RFTN2: variants seen among roughly 807,000 people sequenced by gnomAD.
RFTN2 encodes the protein raftlin family member 2.
RFTN2 carries 34 observed loss-of-function variants against 52.7 expected under a neutral mutation model. The observed-to-expected ratio is 0.64, with a 90% CI of 0.49 to 0.86. RFTN2 has a LOEUF of 0.86. RFTN2 is among the 40% of genes least tolerant of loss of function. RFTN2 has a pLI of 0.00. For synonymous variants in RFTN2, 203 were observed against 217.7 expected (o/e 0.93, Z 0.59); for missense variants, 536 against 600.1 (o/e 0.89, Z 1.12).
In RFTN2 at chr2:197,665,517, C is replaced by CTTTT; in HGVS notation, c.139+9799_139+9802dup. Among the ~76,000 whole-genome samples the CTTTT allele has an allele frequency of 1.3e-3, 52 of 41,504 alleles. 4 individuals are homozygous for CTTTT. The highest frequency in any genetic ancestry group is 6.9e-3 in the African/African-American group (49 of 7,100). 27.2% of individuals were successfully genotyped at this position (41,504 alleles called of 152,430 possible). The stretch of plus-strand genomic sequence containing the variant: ...ATTCCTTTATCATTATGTACCTTGC[C>CTTTT]TTTTTTTTTTTTTTTTACTGTTTTC... On this transcript the variant is annotated intron_variant, in intron 1 of 8. Transcript: ENST00000295049.
At chr2:197,574,214 T>C (rs1280861089) in intron 8 of RFTN2, among the ~76,000 whole-genome samples, 1 of 152,132 alleles carries the variant, frequency 6.6e-6, no homozygotes, top group East Asian at 1.9e-4. Flanking sequence ...TGCCAGCCTA[T>C]GAAAGCAGCC....
intron 1 of RFTN2, among the ~76,000 whole-genome samples, chr2:197,673,189 C>T (rs560158875): frequency 6.6e-6 from 1 of 152,292 alleles, no homozygotes; most frequent in Admixed American, 6.5e-5. Context: ...CCATGGTGGC[C>T]TCTGACAGGC....
chr2:197,646,691 A>T, intron 1 of RFTN2, 25 bp from the exon 2 acceptor site: 1 of 1,549,582 alleles, frequency 6.5e-7, no homozygotes, highest in Non-Finnish European at 8.9e-7. Context: ...GCAAAGAGAA[A>T]TTTGCATATT....
chr2:197,651,332 T>C (rs1305094766), intron 1 of RFTN2, among the ~76,000 whole-genome samples: 1 of 152,184 alleles, frequency 6.6e-6, no homozygotes, highest in Non-Finnish European at 1.5e-5. Flanking sequence ...AAGAAATCAT[T>C]GTCAGGCCAG....
rs531175827 is a variant in RFTN2, at chr2:197,602,773, C to T, written c.1155-6704G>A. Among the ~76,000 whole-genome samples, 7 of 152,258 alleles carry T rather than the reference C, an allele frequency of 4.6e-5. No individual in the cohort carries two copies. The South Asian group carries it at 1.0e-3, about 23-fold the overall frequency. The stretch of plus-strand genomic sequence containing the variant: ...ATGCTGCTATAAAGACACATGCACA[C>T]GTATGTTTATCGCGGCACTATTCAC... On this transcript the variant is annotated intron_variant, in intron 7 of 8. Transcript: ENST00000295049.
chr2:197,583,275 C>T (rs2087540249), intron 8 of RFTN2, among the ~76,000 whole-genome samples: 1 of 152,210 alleles, frequency 6.6e-6, no homozygotes. Flanking sequence ...ATTGACTTTA[C>T]TCACATACCC....
chr2:197,575,753 AT>A (rs528126800), intron 8 of RFTN2, among the ~76,000 whole-genome samples: 15,408 of 143,672 alleles, frequency 0.11, 1,195 homozygotes, highest in Middle Eastern at 0.23. Context: ...TATAAAATAT[AT>A]TTTTTATATA....
chr2:197,659,468 T>A (rs1285184370), intron 1 of RFTN2, among the ~76,000 whole-genome samples: 13 of 106,902 alleles, frequency 1.2e-4, no homozygotes, highest in Admixed American at 4.7e-4. Flanking sequence ...AGAGCAAGAC[T>A]CCATCTCATA....
intron 5 of RFTN2, among the ~76,000 whole-genome samples, chr2:197,628,502 A>G (rs1333066236): frequency 6.6e-6 from 1 of 152,236 alleles, no homozygotes; most frequent in Non-Finnish European, 1.5e-5. Context: ...CAAGGCAGGG[A>G]TGCCTGAGAG....
At chr2:197,616,042 A>C in intron 6 of RFTN2, 63 bp from the exon 7 acceptor site, 1 of 954,892 alleles carries the variant, frequency 1.0e-6, no homozygotes, top group Non-Finnish European at 1.6e-6. Context: ...CACAATTACA[A>C]CAAAGGGTGA....
At chr2:197,614,981 G>A (rs139539642) in intron 7 of RFTN2, among the ~76,000 whole-genome samples, 19 of 152,078 alleles carry the variant, frequency 1.2e-4, no homozygotes, top group African/African-American at 4.6e-4. Flanking sequence ...TTAAACTTGA[G>A]TTTCTTTACT....
At chr2:197,668,280 C>T (rs560394207) in intron 1 of RFTN2, among the ~76,000 whole-genome samples, 70 of 152,234 alleles carry the variant, frequency 4.6e-4, no homozygotes, top group African/African-American at 1.7e-3. Context: ...AGGGGCTGTC[C>T]TCAGTCCTCT....
In RFTN2 at chr2:197,629,514, C is replaced by T. The variant is rs553130830; in HGVS notation, c.928+1497G>A. 5.9e-5 allele frequency among the ~76,000 whole-genome samples: 9 copies of T among 151,858 alleles called. No homozygotes were observed. In the East Asian group the frequency reaches 9.7e-4, roughly 16 times the overall value. Reference sequence around the variant, plus strand: ...AATGTAAATGACGATTTGATGGGTGCGGCACACCAACATGGCACATGTATA... The same window carrying T: ...AATGTAAATGACGATTTGATGGGTGTGGCACACCAACATGGCACATGTATA... On this transcript the variant is annotated intron_variant, in intron 5 of 8. Coordinates refer to ENST00000295049, the MANE Select transcript of RFTN2 (RefSeq NM_144629.3).
At chr2:197,593,253 A>C (rs539628113) in intron 8 of RFTN2, among the ~76,000 whole-genome samples, 4 of 152,270 alleles carry the variant, frequency 2.6e-5, no homozygotes, top group African/African-American at 7.2e-5. Flanking sequence ...AAGCTAAACA[A>C]AAAAGAGCTT....
chr2:197,618,047 G>GC (rs1553602060), intron 5 of RFTN2, 126 bp from the exon 6 acceptor site: 2 of 581,478 alleles, frequency 3.4e-6, no homozygotes, highest in South Asian at 5.2e-5. Context: ...AACATTTGTT[G>GC]CCCCCTCCCC....
In RFTN2 at chr2:197,572,262, T is replaced by G; in HGVS notation, c.1252A>C (p.Ile418Leu). Residue 418 changes from isoleucine (I) to leucine (L), a missense_variant, in exon 9 of 9, where the codon ATA becomes CTA. By Grantham distance (5) the Ile-to-Leu change is conservative. Transcript: ENST00000295049. ...QTPDKKASRH[I>L]KGEDKNKATS... The stretch of plus-strand genomic sequence containing the variant: ...GCTTTATTCTTGTCTTCACCTTTTA[T>G]GTGGCGGCTGGCTTTCTTCTGAAAC... 1 of 1,613,846 alleles carries G rather than the reference T, an allele frequency of 6.2e-7. No individual in the cohort carries two copies. Among genetic ancestry groups the G allele is most frequent in the Non-Finnish European group, 8.5e-7 (1 of 1,179,656 alleles).
intron 7 of RFTN2, among the ~76,000 whole-genome samples, chr2:197,603,932 A>G (rs1463569538): frequency 6.6e-6 from 1 of 152,018 alleles, no homozygotes; most frequent in Non-Finnish European, 1.5e-5. Context: ...GTCTCAAAAA[A>G]GCAAAAACAA....
At position 197,638,386 on chromosome 2, in the gene RFTN2, A is replaced by G. The variant is rs373119893; in HGVS notation, c.439-4389T>C. On this transcript the variant is annotated intron_variant, in intron 3 of 8. Transcript: ENST00000295049. ...TGTGTGGGAGTCTAAGTCTCTTTGT[A>G]GGTCACTCAGGACTTGCTTTATGAA... Among the ~76,000 whole-genome samples the G allele has an allele frequency of 7.4e-4, 70 of 94,316 alleles. No homozygotes were observed. In the East Asian group the frequency reaches 0.017, roughly 22 times the overall value. 61.9% of individuals were successfully genotyped at this position (94,316 alleles called of 152,430 possible).
At chr2:197,623,587 T>G (rs1319358341) in intron 5 of RFTN2, among the ~76,000 whole-genome samples, 1 of 152,220 alleles carries the variant, frequency 6.6e-6, no homozygotes, top group Non-Finnish European at 1.5e-5. Context: ...CAACTGATTC[T>G]TGTGCTTCAG....
Sources: allele counts gnomAD v4.1 joint callset (sites outside exome capture counted in the v4.1 genomes callset), GRCh38; gene constraint gnomAD v4.1.1; transcripts MANE v1.5; gene names NCBI Gene and HGNC (gene_info 2026-07-23, HGNC 2026-07-21).